The following PRKG1 variants were observed in gnomAD, a reference collection of about 807,000 sequenced individuals.
PRKG1 encodes the protein cGMP-dependent protein kinase 1.
Under a neutral mutation model 88.1 loss-of-function variants are expected in PRKG1, and 35 were observed. That is an observed-to-expected ratio of 0.40 (90% CI 0.30 to 0.53). PRKG1 has a LOEUF of 0.53. Ranked by LOEUF, PRKG1 falls within the 20% of genes least tolerant of loss-of-function variation. The pLI is 0.59. For missense variants in PRKG1, 540 were observed against 839.8 expected, an observed-to-expected ratio of 0.64 and a Z score of 4.41; for synonymous variants, 303 against 292.5, an observed-to-expected ratio of 1.04 and a Z score of -0.37.
At chr10:52,039,328 T>C (rs11591640) in intron 5 of PRKG1, among the ~76,000 whole-genome samples, 14,640 of 151,620 alleles carry the variant, frequency 0.097, 884 homozygotes, top group Middle Eastern at 0.16. Flanking sequence ...AGGTGCTCAG[T>C]GGGGGTGCTT....
At chr10:51,763,490 C>T (rs1175147895) in intron 3 of PRKG1, among the ~76,000 whole-genome samples, 1 of 151,702 alleles carries the variant, frequency 6.6e-6, no homozygotes, top group East Asian at 1.9e-4. Flanking sequence ...TGGTCTCAAG[C>T]AATCCACTCA....
chr10:51,862,355 C>T (rs969089009), intron 4 of PRKG1, among the ~76,000 whole-genome samples: 1 of 152,106 alleles, frequency 6.6e-6, no homozygotes, highest in Non-Finnish European at 1.5e-5. Context: ...TACAGTGTTA[C>T]AGCACTTTTC....
At chr10:51,335,583 G>C (rs1841855946) in intron 2 of PRKG1, among the ~76,000 whole-genome samples, 1 of 151,988 alleles carries the variant, frequency 6.6e-6, no homozygotes, top group Non-Finnish European at 1.5e-5. Flanking sequence ...CCAGGCTGGA[G>C]TGCAGTGGCA....
At chr10:51,590,309 C>T (rs1838279219) in intron 3 of PRKG1, among the ~76,000 whole-genome samples, 1 of 152,126 alleles carries the variant, frequency 6.6e-6, no homozygotes, top group Admixed American at 6.6e-5. Context: ...CTTGGAGAGG[C>T]TACCCGCCCC....
At chr10:51,016,673 C>CTTTTTTTTTTTTTTTTTTTGT (rs1843069035) in intron 1 of PRKG1, among the ~76,000 whole-genome samples, 1 of 35,184 alleles carries the variant, frequency 2.8e-5, no homozygotes, top group Non-Finnish European at 4.8e-5. Flanking sequence ...ATTATCCTTT[C>CTTTTTTTTTTTTTTTTTTTGT]TTTTTTTTTT....
chr10:52,134,195 T>C (rs1379907376), intron 8 of PRKG1, among the ~76,000 whole-genome samples: 1 of 152,148 alleles, frequency 6.6e-6, no homozygotes, highest in East Asian at 1.9e-4. Flanking sequence ...AATGAGAACA[T>C]TTGAGTAAAG....
At chr10:51,849,055 A>C (rs537928482) in intron 4 of PRKG1, among the ~76,000 whole-genome samples, 1 of 152,196 alleles carries the variant, frequency 6.6e-6, no homozygotes, top group East Asian at 1.9e-4. Flanking sequence ...CTTTGTCCTC[A>C]AACTAGCTAA....
intron 7 of PRKG1, among the ~76,000 whole-genome samples, chr10:52,101,323 T>A (rs576162947): frequency 1.3e-5 from 2 of 151,976 alleles, no homozygotes; most frequent in Non-Finnish European, 2.9e-5. Flanking sequence ...TATTAAGGAA[T>A]ACGAATTTGA....
intron 5 of PRKG1, among the ~76,000 whole-genome samples, chr10:51,945,283 C>A (rs1225329478): frequency 6.6e-6 from 1 of 150,842 alleles, no homozygotes; most frequent in Non-Finnish European, 1.5e-5. Flanking sequence ...GCAACCCCAG[C>A]CTTTTTTTGT....
chr10:51,859,024 C>T (rs540259845), intron 4 of PRKG1, among the ~76,000 whole-genome samples: 32 of 152,098 alleles, frequency 2.1e-4, no homozygotes, highest in Admixed American at 1.0e-3. Context: ...GTGGCCTGCT[C>T]GATAGAACAA....
At chr10:51,384,958 CA>C (rs1837213418) in intron 2 of PRKG1, among the ~76,000 whole-genome samples, 1 of 152,104 alleles carries the variant, frequency 6.6e-6, no homozygotes. Flanking sequence ...ACAAAGCAAA[CA>C]AATGAAACAA....
chr10:51,449,683 T>TTTTTTTTTTTTTTTTTTTTAAAG (rs1588969431), intron 2 of PRKG1, among the ~76,000 whole-genome samples: 1 of 148,806 alleles, frequency 6.7e-6, no homozygotes, highest in African/African-American at 2.5e-5. Flanking sequence ...GATATATTTT[T>TTTTTTTTTTTTTTTTTTTTAAAG]ATATCCCAAT....
intron 3 of PRKG1, among the ~76,000 whole-genome samples, chr10:51,621,935 G>C (rs1839221454): frequency 6.6e-6 from 1 of 152,070 alleles, no homozygotes; most frequent in African/African-American, 2.4e-5. Context: ...TCCTTACTTA[G>C]GAACCAAAAT....
rs116106635 is a variant in PRKG1 at position 51,027,802 on chromosome 10, A to G, written c.266+36158A>G. 1.6e-3 allele frequency among the ~76,000 whole-genome samples: 242 copies of G among 152,328 alleles called. 1 individual carries two copies. Among genetic ancestry groups the G allele is most frequent in the African/African-American group, 5.7e-3 (239 of 41,588 alleles). ...TGGAAAGTGATTATTTATTACCAGC[A>G]TGTTTTGCTGTTTAAGATTCTTAGT... On this transcript the variant is annotated intron_variant, in intron 1 of 17. Transcript: ENST00000401604.
chr10:51,734,936 T>G (rs1837225739), intron 3 of PRKG1, among the ~76,000 whole-genome samples: 1 of 152,200 alleles, frequency 6.6e-6, no homozygotes, highest in Non-Finnish European at 1.5e-5. Context: ...GCTCAGGGGT[T>G]AAGTGAAGGA....
intron 5 of PRKG1, among the ~76,000 whole-genome samples, chr10:51,942,852 G>A (rs1360095752): frequency 6.6e-6 from 1 of 150,722 alleles, no homozygotes; most frequent in Admixed American, 6.6e-5. Flanking sequence ...TTTGGTTACT[G>A]TAGCCTTGTA....
At chr10:51,576,781 T>C (rs1457938503) in intron 3 of PRKG1, among the ~76,000 whole-genome samples, 1 of 141,004 alleles carries the variant, frequency 7.1e-6, no homozygotes, top group Non-Finnish European at 1.5e-5. Context: ...GGAATTATTT[T>C]CTTTTTTTTA....
At chr10:52,014,674 C>T (rs1844989587) in intron 5 of PRKG1, among the ~76,000 whole-genome samples, 1 of 152,196 alleles carries the variant, frequency 6.6e-6, no homozygotes, top group Admixed American at 6.5e-5. Flanking sequence ...AGGCAAGTCC[C>T]TTCTAACTAA....
chr10:51,650,547 C>G (rs1018360429), intron 3 of PRKG1, among the ~76,000 whole-genome samples: 1 of 152,152 alleles, frequency 6.6e-6, no homozygotes, highest in Admixed American at 6.5e-5. Flanking sequence ...AAACTATTAT[C>G]TTTGCCTTAT....
Sources: gnomAD v4.1 joint callset for allele counts (sites outside exome capture counted in the v4.1 genomes callset) on GRCh38, gnomAD v4.1.1 for gene constraint, MANE v1.5 for transcripts, NCBI Gene and HGNC (gene_info 2026-07-23, HGNC 2026-07-21) for gene names.